DST: variants seen among roughly 807,000 people sequenced by gnomAD.
DST encodes dystonin, also known as bullous pemphigoid antigen.
In DST, 253 loss-of-function variants were observed where a neutral mutation model predicts 875.2. The observed-to-expected ratio is 0.29, with a 90% CI of 0.26 to 0.32. The LOEUF (loss-of-function observed/expected upper bound fraction) is 0.32. Among genes scored for constraint, DST ranks in the 10% least tolerant of loss-of-function variants. The pLI is 1.00. For missense variants in DST, 8,287 were observed against 9,111.6 expected (o/e 0.91, Z 3.68); for synonymous variants, 3,124 against 3,197.1 (o/e 0.98, Z 0.77).
Position 56,676,694 on chromosome 6 carries a change from T to TA in DST, c.1048-5888dup, listed in dbSNP as rs34164286. Among the ~76,000 whole-genome samples, 338 of 143,806 alleles carry TA rather than the reference T, an allele frequency of 2.4e-3. 2 individuals carry two copies. Among genetic ancestry groups the TA allele is most frequent in the Middle Eastern group, 3.6e-3 (1 of 278 alleles). The allele number at this position is 143,806 out of a possible 152,430, so 94.3% of individuals were successfully genotyped here. A position where few individuals can be genotyped will look rare whatever the true frequency, so the allele number is the denominator to read the frequency against. ...CAAACAATACAGTACTGATCAGCCT[T>TA]AAAAAAAAAAAAAAGGAGGAAATGT... On this transcript the variant is annotated intron_variant, in intron 9 of 103. Coordinates refer to ENST00000680361, the MANE Select transcript of DST (RefSeq NM_001374736.1).
intron 4 of DST, among the ~76,000 whole-genome samples, chr6:56,835,248 T>C (rs2099792213): frequency 6.6e-6 from 1 of 152,206 alleles, no homozygotes; most frequent in Non-Finnish European, 1.5e-5. Flanking sequence ...CTCTTCTGTA[T>C]GATATTACAA....
chr6:56,808,246 C>T (rs2099755510), intron 4 of DST, among the ~76,000 whole-genome samples: 1 of 151,308 alleles, frequency 6.6e-6, no homozygotes, highest in Non-Finnish European at 1.5e-5. Context: ...AAAAACAGTA[C>T]TTTGTTTAAA....
At chr6:56,837,079 T>C (rs1426338790) in intron 4 of DST, among the ~76,000 whole-genome samples, 1 of 152,116 alleles carries the variant, frequency 6.6e-6, no homozygotes, top group Non-Finnish European at 1.5e-5. Context: ...AACAGACTGA[T>C]AAGGTATTAC....
chr6:56,554,016 T>C (rs6922770), intron 60 of DST, among the ~76,000 whole-genome samples: 49,652 of 151,258 alleles, frequency 0.33, 8,578 homozygotes, highest in African/African-American at 0.41. Context: ...GCAAAGTTCT[T>C]AATTATGTTG....
intron 4 of DST, chr6:56,742,449 C>T (rs2099550708): frequency 4.4e-6 from 4 of 913,272 alleles, no homozygotes; most frequent in Non-Finnish European, 6.2e-6. Flanking sequence ...ACTAGACACT[C>T]CTACTTGCAA....
chr6:56,697,928 A>G (rs1164754814), intron 9 of DST, among the ~76,000 whole-genome samples: 22 of 152,196 alleles, frequency 1.4e-4, no homozygotes, highest in Admixed American at 1.4e-3. Flanking sequence ...AATTCTGATA[A>G]CAAGGTCTGG....
At chr6:56,554,386 G>A (rs113460792) in intron 60 of DST, among the ~76,000 whole-genome samples, 14 of 152,036 alleles carry the variant, frequency 9.2e-5, no homozygotes, top group Admixed American at 2.0e-4. Context: ...TCCTGGCCAC[G>A]TCTATGACTT....
At chr6:56,564,309 T>C (rs2152571205) in intron 55 of DST, among the ~76,000 whole-genome samples, 1 of 152,332 alleles carries the variant, frequency 6.6e-6, no homozygotes, top group Admixed American at 6.5e-5. Context: ...GTAAGTTCTA[T>C]TCCTAGGTAT....
intron 3 of DST, among the ~76,000 whole-genome samples, chr6:56,894,311 G>A (rs1446079834): frequency 2.2e-5 from 2 of 89,330 alleles, no homozygotes; most frequent in East Asian, 6.1e-4. Flanking sequence ...GCCGGGCAGA[G>A]GCGCCCCTCA....
rs149875374 is a variant in DST, at chr6:56,675,443, G to T, written c.1048-4636C>A. Among the ~76,000 whole-genome samples, 880 of 152,122 alleles carry T rather than the reference G, an allele frequency of 5.8e-3. 4 individuals carry two copies. Among genetic ancestry groups the T allele is most frequent in the African/African-American group, 0.02 (840 of 41,494 alleles). On this transcript the variant is annotated intron_variant, in intron 9 of 103. Transcript: ENST00000680361. ...ATGAAAAAGCTTCTGCACAGCCAAA[G>T]AAACAATAAACAAAGAAACACATTA...
At chr6:56,872,830 C>T (rs533054671) in intron 3 of DST, among the ~76,000 whole-genome samples, 2 of 130,240 alleles carry the variant, frequency 1.5e-5, no homozygotes, top group Admixed American at 7.5e-5. Flanking sequence ...ATTCCCCCCC[C>T]CCTTTTTTTT....
chr6:56,493,018 A>G lies in DST; in HGVS notation c.20466T>C (p.Leu6822=), dbSNP rs764925082. ...HNSLQDFINW[L]TQAEQTLNVA... ...CATTTAGGGTCTGTTCAGCCTGAGT[A>G]AGCCAGTTGATGAAGTCTTGGAGAG... The change falls in exon 84 of 104, where the codon CTT becomes CTC. Residue 6822 remains leucine, a synonymous_variant. Coordinates refer to ENST00000680361, the MANE Select transcript of DST (RefSeq NM_001374736.1). The G allele has an allele frequency of 5.0e-6, 8 of 1,613,124 alleles. No individual in the cohort carries two copies. In the South Asian group the frequency reaches 8.8e-5, roughly 18 times the overall value.
intron 2 of DST, among the ~76,000 whole-genome samples, chr6:56,949,603 A>T (rs1821341620): frequency 3.3e-5 from 5 of 152,248 alleles, no homozygotes; most frequent in Admixed American, 3.3e-4. Context: ...GGACAGAAAG[A>T]GAAAATAAAT....
chr6:56,695,213 A>G (rs1048755250), intron 9 of DST, among the ~76,000 whole-genome samples: 37 of 150,532 alleles, frequency 2.5e-4, no homozygotes, highest in Admixed American at 2.3e-3. Context: ...CTCTCTTACC[A>G]TGTGACAATC....
chr6:56,703,232 T>A (rs575908376), intron 7 of DST, among the ~76,000 whole-genome samples: 1 of 152,288 alleles, frequency 6.6e-6, no homozygotes, highest in East Asian at 1.9e-4. Flanking sequence ...AAAAAAAATT[T>A]CCCTAAGTTC....
At chr6:56,950,410 G>A (rs1420882653) in intron 2 of DST, among the ~76,000 whole-genome samples, 1 of 151,994 alleles carries the variant, frequency 6.6e-6, no homozygotes, top group Non-Finnish European at 1.5e-5. Context: ...TAATCTAATG[G>A]TACCTCAATT....
intron 5 of DST, among the ~76,000 whole-genome samples, chr6:56,716,558 T>C (rs895597927): frequency 4.6e-5 from 7 of 152,174 alleles, no homozygotes; most frequent in African/African-American, 1.7e-4. Flanking sequence ...AATCTAAAAA[T>C]AGGCAAAGAG....
chr6:56,862,762 A>G (rs1161999027), intron 3 of DST, among the ~76,000 whole-genome samples: 1 of 152,098 alleles, frequency 6.6e-6, no homozygotes, highest in Non-Finnish European at 1.5e-5. Flanking sequence ...TGAATTTGAG[A>G]AACATTTAGA....
intron 9 of DST, among the ~76,000 whole-genome samples, chr6:56,682,269 C>A (rs2099160587): frequency 6.6e-6 from 1 of 152,112 alleles, no homozygotes; most frequent in African/African-American, 2.4e-5. Flanking sequence ...ATCCCCCAGG[C>A]TCAAGCAATC....
Sources: allele counts gnomAD v4.1 joint callset (sites outside exome capture counted in the v4.1 genomes callset), GRCh38; gene constraint gnomAD v4.1.1; transcripts MANE v1.5; gene names NCBI Gene and HGNC (gene_info 2026-07-23, HGNC 2026-07-21).